The following POLR1A variants were observed in gnomAD, a reference collection of about 807,000 sequenced individuals.
POLR1A encodes the protein RNA polymerase I subunit A, also known as DNA-directed RNA polymerase I subunit RPA1.
Under a neutral mutation model 205.3 loss-of-function variants are expected in POLR1A, and 84 were observed. That is an observed-to-expected ratio of 0.41 (90% CI 0.34 to 0.49). POLR1A has a LOEUF of 0.49. Ranked by LOEUF, POLR1A falls within the 20% of genes least tolerant of loss-of-function variation. The probability of loss-of-function intolerance (pLI) is 0.22; values close to 1 mark genes in which losing one functional copy is unlikely to be tolerated. For missense variants in POLR1A, 1,645 were observed against 2,204.5 expected (o/e 0.75, Z 5.08); for synonymous variants, 799 against 863.7 (o/e 0.93, Z 1.31).
In POLR1A at chr2:86,070,831, T is replaced by C. The variant is rs1049178726; in HGVS notation, c.1612-559A>G. Among the ~76,000 whole-genome samples the C allele has an allele frequency of 6.6e-6, 1 of 152,156 alleles. No individual in the cohort carries two copies. The highest frequency in any genetic ancestry group is 2.4e-5 in the African/African-American group (1 of 41,428). On this transcript the variant is annotated intron_variant, in intron 12 of 33. Coordinates refer to ENST00000263857, the MANE Select transcript of POLR1A (RefSeq NM_015425.6). The surrounding 1 kb of genome is among the most constrained non-coding windows in gnomAD (Gnocchi z 4.4). ...AGTTCAATGCCCTCAGAGAACACTTTATTGCACTTCAAAAATTAAGAGCTG... is the reference window on the plus strand; with the variant it reads ...AGTTCAATGCCCTCAGAGAACACTTCATTGCACTTCAAAAATTAAGAGCTG...
rs925689557 is a variant in POLR1A at position 86,043,165 on chromosome 2, C to T, written c.3166G>A (p.Val1056Ile). 6.2e-7 allele frequency: 1 copy of T among 1,613,762 alleles called. No homozygotes were observed. ...VIMKSQHLHE[V>I]LSRADPKKAL... ...TTTTTGGGATCTGCTCTGGATAAAA[C>T]TTCATGGAGATGCTGTGATTTCATT... Residue 1056 changes from valine to isoleucine, a missense_variant, in exon 23 of 34, where the codon GTT (valine) becomes ATT (isoleucine). By Grantham distance (29) the Val-to-Ile change is conservative. This residue lies in a region of POLR1A where 201 missense variants were observed against 222.3 expected (regional missense o/e 0.90). Coordinates refer to ENST00000263857, the MANE Select transcript of POLR1A (RefSeq NM_015425.6).
intron 13 of POLR1A, among the ~76,000 whole-genome samples, chr2:86,067,091 C>T (rs1160603842): frequency 1.3e-5 from 2 of 152,160 alleles, no homozygotes; most frequent in Non-Finnish European, 2.9e-5. Flanking sequence ...CATGACTAGA[C>T]AATTACTTTG....
At chr2:86,074,506 T>C (rs559762813) in intron 12 of POLR1A, among the ~76,000 whole-genome samples, 2 of 152,310 alleles carry the variant, frequency 1.3e-5, no homozygotes, top group Admixed American at 1.3e-4. Flanking sequence ...CTCAGCAACA[T>C]TGTTAATCGA....
At chr2:86,050,196 GTGAGCCACTGCACC>G (rs1672779481) in intron 16 of POLR1A, among the ~76,000 whole-genome samples, 1 of 152,190 alleles carries the variant, frequency 6.6e-6, no homozygotes, top group Admixed American at 6.5e-5. Context: ...GATTGCAGGA[GTGAGCCACTGCACC>G]TGGCCAAAAC....
intron 13 of POLR1A, among the ~76,000 whole-genome samples, chr2:86,068,467 T>C (rs1341592738): frequency 6.9e-6 from 1 of 144,534 alleles, no homozygotes; most frequent in East Asian, 2.1e-4. Flanking sequence ...ACTCACTTGG[T>C]GTTTCCTTGT....
Position 86,028,044 on chromosome 2 carries a change from C to T in POLR1A, c.4903G>A (p.Ala1635Thr), listed in dbSNP as rs750443932. ...AGGGAGAGATGGCGAGGGTCGACCG[C>T]GATGCCTGTCAAACGGGAGGTAAAA... ...IKDVFAVYGIAVDPRHLSLVA... is the reference protein window; with the variant it reads ...IKDVFAVYGITVDPRHLSLVA... The change falls in exon 33 of 34, where the codon GCG (alanine) becomes ACG (threonine). Residue 1635 changes from alanine to threonine, a missense_variant. This residue lies in a region of POLR1A where 86 missense variants were observed against 149.8 expected (regional missense o/e 0.57). Transcript: ENST00000263857. The surrounding 1 kb of genome is among the most constrained non-coding windows in gnomAD (Gnocchi z 4.5). 31 of 1,614,026 alleles carry T rather than the reference C, an allele frequency of 1.9e-5. No homozygotes were observed. The highest frequency in any genetic ancestry group is 6.7e-5 in the Admixed American group (4 of 59,996).
chr2:86,029,578 C>T (rs913200485), intron 31 of POLR1A, among the ~76,000 whole-genome samples: 1 of 148,386 alleles, frequency 6.7e-6, no homozygotes, highest in African/African-American at 2.5e-5. Flanking sequence ...AACTCTACTT[C>T]GGGAGGGTCT....
intron 14 of POLR1A, among the ~76,000 whole-genome samples, chr2:86,063,522 AT>A (rs1673036354): frequency 6.6e-6 from 1 of 152,146 alleles, no homozygotes; most frequent in African/African-American, 2.4e-5. Flanking sequence ...TGAGGCCAGG[AT>A]TACCCTGATA....
Position 86,077,880 on chromosome 2 carries a change from G to A in POLR1A, c.1359C>T (p.Thr453=). 6.2e-7 allele frequency: 1 copy of A among 1,612,078 alleles called. No individual in the cohort carries two copies. Among genetic ancestry groups the A allele is most frequent in the African/African-American group, 1.3e-5 (1 of 74,516 alleles). ...SVICPDMYIN[T]NEIGIPMVFA... ...ACACCATGGGAATTCCAATTTCGTT[G>A]GTGTTGATGTACATGTCTGGGCAGA... Residue 453 remains threonine, a synonymous_variant, in exon 11 of 34, where the codon ACC becomes ACT. Coordinates refer to ENST00000263857, the MANE Select transcript of POLR1A (RefSeq NM_015425.6).
chr2:86,075,658 A>G (rs944473895), intron 11 of POLR1A, among the ~76,000 whole-genome samples: 10 of 152,024 alleles, frequency 6.6e-5, no homozygotes, highest in African/African-American at 2.4e-4. Flanking sequence ...ACAGGCACAC[A>G]CTACCACACC....
rs1558779826 is a variant in POLR1A at position 86,077,855 on chromosome 2, A to G, written c.1380+4T>C. ...CACACACACACACACACACACACAC[A>G]CACCATGGGAATTCCAATTTCGTTG... On this transcript the variant is annotated splice_donor_region_variant and intron_variant, in intron 11 of 33. Coordinates refer to ENST00000263857, the MANE Select transcript of POLR1A (RefSeq NM_015425.6). The G allele has an allele frequency of 6.3e-7, 1 of 1,595,216 alleles. No homozygotes were observed. Among genetic ancestry groups the G allele is most frequent in the East Asian group, 2.3e-5 (1 of 44,246 alleles).
intron 12 of POLR1A, among the ~76,000 whole-genome samples, chr2:86,074,406 C>T (rs1013887828): frequency 2.6e-5 from 4 of 152,118 alleles, no homozygotes; most frequent in Non-Finnish European, 5.9e-5. Context: ...GCCACTGTTG[C>T]CTAGTTAGGG....
rs375601023 is a variant in POLR1A at position 86,024,254 on chromosome 2, C to T, written c.*3169G>A. 1.9e-4 allele frequency: 39 copies of T among 210,260 alleles called. No homozygotes were observed. The South Asian group carries it at 2.8e-3, about 15-fold the overall frequency. 13.0% of individuals were successfully genotyped at this position (210,260 alleles called of 1,614,324 possible). A position where few individuals can be genotyped will look rare whatever the true frequency, so the allele number is the denominator to read the frequency against. ...GGACATTATGCTAAGTGAAATAAGC[C>T]GGTCACAAAAAGACATGCTGTACTT... On this transcript the variant is annotated 3_prime_UTR_variant, in exon 34 of 34. Coordinates refer to ENST00000263857, the MANE Select transcript of POLR1A (RefSeq NM_015425.6).
intron 27 of POLR1A, among the ~76,000 whole-genome samples, chr2:86,034,002 C>T (rs527974515): frequency 1.3e-5 from 2 of 152,302 alleles, no homozygotes; most frequent in African/African-American, 4.8e-5. Flanking sequence ...CAGGCCTGGT[C>T]TCAATAGGTG....
At chr2:86,053,429 T>G (rs1164746447) in intron 15 of POLR1A, among the ~76,000 whole-genome samples, 2 of 152,196 alleles carry the variant, frequency 1.3e-5, no homozygotes, top group Non-Finnish European at 2.9e-5. Flanking sequence ...CTCGTAACTG[T>G]GCCTCTGGCC....
chr2:86,102,307 T>C (rs1307837592), intron 1 of POLR1A, among the ~76,000 whole-genome samples: 1 of 152,246 alleles, frequency 6.6e-6, no homozygotes, highest in African/African-American at 2.4e-5. Flanking sequence ...CTTACTACTT[T>C]CTGTTTTTCT....
At chr2:86,083,206 G>C (rs753877233) in intron 6 of POLR1A, 38 bp from the exon 7 acceptor site, 24 of 1,387,104 alleles carry the variant, frequency 1.7e-5, no homozygotes, top group Non-Finnish European at 2.5e-5. Flanking sequence ...CAATAAATCA[G>C]AAACAGGTAC....
chr2:86,076,517 T>C (rs1232501685), intron 11 of POLR1A, among the ~76,000 whole-genome samples: 3 of 152,228 alleles, frequency 2.0e-5, no homozygotes, highest in Non-Finnish European at 2.9e-5. Flanking sequence ...CAGTGCTCTA[T>C]GGGAAGTGTG....
chr2:86,099,182 C>A (rs930937918), intron 2 of POLR1A, among the ~76,000 whole-genome samples: 1 of 151,824 alleles, frequency 6.6e-6, no homozygotes, highest in Non-Finnish European at 1.5e-5. Context: ...AACCTGTCTC[C>A]CGTAATTTTT....
Sources: gnomAD v4.1 joint callset for allele counts (sites outside exome capture counted in the v4.1 genomes callset) on GRCh38, gnomAD v4.1.1 for gene constraint, gnomAD v4.1.1 regional missense constraint, Gnocchi (gnomAD v3.1) non-coding constraint, MANE v1.5 for transcripts, NCBI Gene and HGNC (gene_info 2026-07-23, HGNC 2026-07-21) for gene names.